Variants in TENM3 observed in about 807,000 individuals in gnomAD.
The protein encoded by TENM3 is teneurin-3.
In TENM3, 63 loss-of-function variants were observed where a neutral mutation model predicts 255.1. The observed-to-expected ratio is 0.25, with a 90% CI of 0.20 to 0.30. The LOEUF is 0.30. Ranked by LOEUF, TENM3 falls within the 10% of genes least tolerant of loss-of-function variation. The pLI, the probability that TENM3 is intolerant of heterozygous loss-of-function variation, is 1.00. For missense variants in TENM3, 2,929 were observed against 3,461.1 expected, an observed-to-expected ratio of 0.85 and a Z score of 3.86; for synonymous variants, 1,306 against 1,322.3, an observed-to-expected ratio of 0.99 and a Z score of 0.27.
intron 3 of TENM3, among the ~76,000 whole-genome samples, chr4:182,483,741 G>A (rs1429919947): frequency 6.6e-6 from 1 of 152,088 alleles, no homozygotes; most frequent in African/African-American, 2.4e-5. Flanking sequence ...CAGTTCCACA[G>A]GCTGTACAGG....
chr4:181,630,975 G>T, the TENM3 span, among the ~76,000 whole-genome samples: 6 of 152,108 alleles, frequency 3.9e-5, no homozygotes, highest in Non-Finnish European at 8.8e-5. Flanking sequence ...ACAGTTTTGT[G>T]AACTCAGGGC....
the TENM3 span, among the ~76,000 whole-genome samples, chr4:182,017,766 A>G: frequency 6.6e-6 from 1 of 152,230 alleles, no homozygotes; most frequent in African/African-American, 2.4e-5. Flanking sequence ...ATTGATCGGC[A>G]TAACAGGATT....
intron 3 of TENM3, among the ~76,000 whole-genome samples, chr4:182,448,536 T>A (rs569455573): frequency 1.3e-5 from 2 of 151,996 alleles, no homozygotes; most frequent in Non-Finnish European, 2.9e-5. Context: ...GATCCGTTCA[T>A]GGGTTGGGAG....
chr4:181,788,405 CA>C, the TENM3 span, among the ~76,000 whole-genome samples: 1 of 152,200 alleles, frequency 6.6e-6, no homozygotes. Flanking sequence ...AAGCACTTTA[CA>C]TCTGCTCCTT....
intron 3 of TENM3, among the ~76,000 whole-genome samples, chr4:182,551,605 A>C (rs545263568): frequency 1.9e-4 from 29 of 152,302 alleles, no homozygotes; most frequent in Admixed American, 5.2e-4. Flanking sequence ...TAATTTCATA[A>C]GAGGCAACCA....
At chr4:181,863,224 AC>A in the TENM3 span, among the ~76,000 whole-genome samples, 1 of 152,204 alleles carries the variant, frequency 6.6e-6, no homozygotes, top group Non-Finnish European at 1.5e-5. Flanking sequence ...GGCTTCTAGG[AC>A]AGTGTTTGTT....
chr4:181,495,081 G>A, the TENM3 span, among the ~76,000 whole-genome samples: 1 of 152,118 alleles, frequency 6.6e-6, no homozygotes, highest in African/African-American at 2.4e-5. Context: ...AAGATAATCA[G>A]TAAGGAAAAT....
chr4:182,228,131 A>G (rs6822638), intron 1 of TENM3, among the ~76,000 whole-genome samples: 43,577 of 151,808 alleles, frequency 0.29, 7,848 homozygotes, highest in South Asian at 0.47. Context: ...TAGCACATAT[A>G]TAGGATGAAC....
the TENM3 span, among the ~76,000 whole-genome samples, chr4:182,097,069 GT>G: frequency 6.6e-6 from 1 of 152,096 alleles, no homozygotes; most frequent in Non-Finnish European, 1.5e-5. Context: ...GGGAGAGGGG[GT>G]TTGCGATTGG....
chr4:181,726,851 G>A, the TENM3 span, among the ~76,000 whole-genome samples: 39 of 152,234 alleles, frequency 2.6e-4, 1 homozygote, highest in Admixed American at 2.4e-3. Context: ...CTGACCAACC[G>A]GCTAAAATTG....
At chr4:182,356,684 A>AC (rs1211747172) in intron 3 of TENM3, among the ~76,000 whole-genome samples, 2 of 151,602 alleles carry the variant, frequency 1.3e-5, no homozygotes, top group African/African-American at 2.4e-5. Context: ...GTCCCTGAAA[A>AC]CTTTTTTTTT....
the TENM3 span, among the ~76,000 whole-genome samples, chr4:181,490,252 C>A: frequency 6.6e-6 from 1 of 152,126 alleles, no homozygotes; most frequent in Non-Finnish European, 1.5e-5. Flanking sequence ...TGAACATAAC[C>A]TATTTTTTGT....
chr4:181,710,866 A>C, the TENM3 span, among the ~76,000 whole-genome samples: 1 of 151,622 alleles, frequency 6.6e-6, no homozygotes, highest in Non-Finnish European at 1.5e-5. Flanking sequence ...CATCTCAAAA[A>C]AGAAAAGAAA....
chr4:182,743,400 A>G lies in TENM3; in HGVS notation c.3610A>G (p.Thr1204Ala). 1 of 1,613,926 alleles carries G rather than the reference A, an allele frequency of 6.2e-7. No homozygotes were observed. The highest frequency in any genetic ancestry group is 8.5e-7 in the Non-Finnish European group (1 of 1,179,840). The change falls in exon 19 of 28, where the codon ACA (threonine) becomes GCA (alanine). Residue 1204 changes from threonine (T) to alanine (A), a missense_variant. This residue lies in a region of TENM3 where 1,608 missense variants were observed against 1,884.4 expected (regional missense o/e 0.85). Transcript: ENST00000511685. ...GCGGATATTCCCTTCTGGAAATGTA[A>G]CAAGTGTCTTAGAACTAAGGTACGT... ...VRRIFPSGNV[T>A]SVLELSSNPA...
At chr4:182,180,726 T>G (rs1454313296) in intron 1 of TENM3, among the ~76,000 whole-genome samples, 1 of 151,690 alleles carries the variant, frequency 6.6e-6, no homozygotes. Flanking sequence ...TCCTGCCACC[T>G]GGGCCTCCCA....
At chr4:181,784,367 T>A in the TENM3 span, among the ~76,000 whole-genome samples, 1 of 152,070 alleles carries the variant, frequency 6.6e-6, no homozygotes. Flanking sequence ...TAATAAAATA[T>A]CTTAATTTAC....
the TENM3 span, among the ~76,000 whole-genome samples, chr4:181,570,193 C>T: frequency 6.6e-6 from 1 of 151,888 alleles, no homozygotes; most frequent in Non-Finnish European, 1.5e-5. Flanking sequence ...CTACAGGCGC[C>T]CGCCACCGCG....
the TENM3 span, among the ~76,000 whole-genome samples, chr4:182,055,492 T>G: frequency 6.6e-6 from 1 of 152,174 alleles, no homozygotes; most frequent in Non-Finnish European, 1.5e-5. Context: ...TCAAAGTCAC[T>G]TTTGAGGTCC....
chr4:182,152,791 A>G (rs1053940329), intron 1 of TENM3, among the ~76,000 whole-genome samples: 1 of 151,790 alleles, frequency 6.6e-6, no homozygotes, highest in Non-Finnish European at 1.5e-5. Flanking sequence ...ATATTGTTTT[A>G]ATTAGTATGA....
Sources: allele counts gnomAD v4.1 joint callset (sites outside exome capture counted in the v4.1 genomes callset), GRCh38; gene constraint gnomAD v4.1.1; regional missense constraint gnomAD v4.1.1; transcripts MANE v1.5; gene names NCBI Gene and HGNC (gene_info 2026-07-23, HGNC 2026-07-21).